The following FAT3 variants were observed in gnomAD, a reference collection of about 807,000 sequenced individuals.
FAT3 encodes the protein FAT atypical cadherin 3.
A neutral mutation model predicts 310.2 loss-of-function variants in FAT3; 95 were observed. The ratio of observed to expected loss-of-function variants is 0.31; its 90% CI spans 0.26 to 0.36. FAT3 has a LOEUF of 0.36. Among genes scored for constraint, FAT3 ranks in the 10% least tolerant of loss-of-function variants. FAT3 has a pLI of 1.00. For synonymous variants in FAT3, 2,314 were observed against 2,192.9 expected (o/e 1.06, Z -1.54); for missense variants, 5,408 against 5,715.6 (o/e 0.95, Z 1.74).
intron 12 of FAT3, among the ~76,000 whole-genome samples, chr11:92,807,506 C>T (rs1565614275): frequency 6.6e-6 from 1 of 152,178 alleles, no homozygotes; most frequent in Non-Finnish European, 1.5e-5. Flanking sequence ...TCTCTGTTTG[C>T]TTCTCTTGTT....
At chr11:92,228,337 T>A (rs960610314) in intron 1 of FAT3, among the ~76,000 whole-genome samples, 2 of 152,190 alleles carry the variant, frequency 1.3e-5, no homozygotes, top group Admixed American at 1.3e-4. Context: ...TAGGACCCAG[T>A]CTGTCTGTTA....
At chr11:92,745,630 T>C (rs970164925) in intron 4 of FAT3, among the ~76,000 whole-genome samples, 2 of 151,152 alleles carry the variant, frequency 1.3e-5, no homozygotes, top group African/African-American at 4.9e-5. Context: ...GGGAAATACT[T>C]TATTTCCTAA....
chr11:92,459,254 T>A (rs1262499382), intron 2 of FAT3, among the ~76,000 whole-genome samples: 2 of 152,118 alleles, frequency 1.3e-5, no homozygotes, highest in Non-Finnish European at 2.9e-5. Flanking sequence ...CCAGAGAGCC[T>A]TGGAATCCAT....
intron 3 of FAT3, among the ~76,000 whole-genome samples, chr11:92,636,918 T>A (rs1370927661): frequency 1.3e-5 from 2 of 152,174 alleles, no homozygotes; most frequent in Admixed American, 6.5e-5. Flanking sequence ...ACCCATGACA[T>A]CAGTGCTGGT....
At chr11:92,306,155 A>G (rs1947110485) in intron 1 of FAT3, among the ~76,000 whole-genome samples, 2 of 151,768 alleles carry the variant, frequency 1.3e-5, no homozygotes, top group African/African-American at 4.8e-5. Flanking sequence ...TGCCCTGTCT[A>G]TGTATAGCTA....
intron 5 of FAT3, among the ~76,000 whole-genome samples, chr11:92,763,334 G>GA (rs923218729): frequency 2.6e-5 from 4 of 152,020 alleles, no homozygotes; most frequent in African/African-American, 4.8e-5. Context: ...AGTGGGCAGA[G>GA]AAAAAAAATA....
Position 92,436,600 on chromosome 11 carries a change from T to G in FAT3, c.3292+81196T>G, listed in dbSNP as rs540842360. Among the ~76,000 whole-genome samples the G allele has an allele frequency of 1.2e-4, 18 of 152,284 alleles. No homozygotes were observed. The South Asian group carries it at 3.5e-3, about 30-fold the overall frequency. On this transcript the variant is annotated intron_variant, in intron 2 of 27. Transcript: ENST00000525166. The stretch of plus-strand genomic sequence containing the variant: ...CATAGCGCCAGTACCTAGCACTGTT[T>G]CTTCAGTGGTTTGGTTGGCATCAGG...
rs139844988 is a variant in FAT3 at position 92,710,701 on chromosome 11, C to T, written c.3669+13256C>T. 3.5e-4 allele frequency among the ~76,000 whole-genome samples: 53 copies of T among 152,276 alleles called. No individual in the cohort carries two copies. The South Asian group carries it at 3.7e-3, about 11-fold the overall frequency. ...GAATGAAGAATTACAAATATCTCTG[C>T]GCAAGGCCGTGACAGACCCATGATG... is the stretch of plus-strand genomic sequence containing the variant. On this transcript the variant is annotated intron_variant, in intron 4 of 27. Transcript: ENST00000525166.
chr11:92,857,358 G>A lies in FAT3; in HGVS notation c.11500+10G>A, dbSNP rs1949007705. 3.7e-6 allele frequency: 6 copies of A among 1,613,706 alleles called. No individual in the cohort carries two copies. The South Asian group carries it at 6.6e-5, about 18-fold the overall frequency. On this transcript the variant is annotated intron_variant, in intron 20 of 27. Coordinates refer to ENST00000525166, the MANE Select transcript of FAT3 (RefSeq NM_001367949.2). ...CTCGGAGAGTGCTCAGGTGCAGAGT[G>A]GAGTGGAATGATGCAGATCTAATTT...
intron 3 of FAT3, among the ~76,000 whole-genome samples, chr11:92,660,101 T>C (rs552596830): frequency 6.6e-6 from 1 of 152,262 alleles, no homozygotes; most frequent in African/African-American, 2.4e-5. Flanking sequence ...ATTCTTTTTT[T>C]TTTCTTAAGC....
chr11:92,623,401 C>G (rs1043434330), intron 3 of FAT3, among the ~76,000 whole-genome samples: 1 of 152,114 alleles, frequency 6.6e-6, no homozygotes, highest in Non-Finnish European at 1.5e-5. Flanking sequence ...TATCTATATG[C>G]TATTAAGTTA....
chr11:92,882,984 C>G lies in FAT3; in HGVS notation c.12528C>G (p.Arg4176=), dbSNP rs2136411935. 1 of 1,613,928 alleles carries G rather than the reference C, an allele frequency of 6.2e-7. No individual in the cohort carries two copies. Among genetic ancestry groups the G allele is most frequent in the African/African-American group, 1.3e-5 (1 of 75,048 alleles). The change falls in exon 24 of 28, where the codon CGC becomes CGG. Residue 4176 remains arginine (R), a synonymous_variant. Transcript: ENST00000525166. Reference sequence around the variant, plus strand: ...TGGTGGTTCTCTTCATAGTCTTCCGCAAGAAGGTCTTCCGCAAGAACTACT... The same window carrying G: ...TGGTGGTTCTCTTCATAGTCTTCCGGAAGAAGGTCTTCCGCAAGAACTACT... The part of the protein sequence containing the change: ...FILVVLFIVF[R]KKVFRKNYSR...
intron 1 of FAT3, among the ~76,000 whole-genome samples, chr11:92,226,122 G>A (rs936979959): frequency 3.9e-5 from 6 of 152,150 alleles, no homozygotes; most frequent in Admixed American, 6.5e-5. Flanking sequence ...GCTGAGGGGC[G>A]CTGGCGGGGA....
At chr11:92,611,474 C>T (rs1230664956) in intron 3 of FAT3, among the ~76,000 whole-genome samples, 1 of 152,022 alleles carries the variant, frequency 6.6e-6, no homozygotes, top group African/African-American at 2.4e-5. Flanking sequence ...GTGGTGTGAC[C>T]TTGGCCCACT....
intron 2 of FAT3, among the ~76,000 whole-genome samples, chr11:92,518,678 G>A (rs1428262396): frequency 6.6e-6 from 1 of 151,390 alleles, no homozygotes. Context: ...AAAAAAATTG[G>A]TTAGAACTAA....
chr11:92,409,954 G>C (rs775622379), intron 2 of FAT3, among the ~76,000 whole-genome samples: 2 of 151,970 alleles, frequency 1.3e-5, no homozygotes, highest in African/African-American at 4.8e-5. Context: ...TGATGTGTTG[G>C]GTTTTTTTGA....
intron 3 of FAT3, among the ~76,000 whole-genome samples, chr11:92,617,640 G>T (rs989076853): frequency 2.6e-5 from 4 of 152,122 alleles, no homozygotes; most frequent in African/African-American, 7.2e-5. Context: ...CTTTGATGAT[G>T]GTGACGTACA....
chr11:92,573,184 G>A lies in FAT3; in HGVS notation c.3607+48236G>A, dbSNP rs529094773. ...TCTCATAAGCCAACATACTAGTGGGGAAGCATCATTTAAATTACCATCTTG... is the reference window on the plus strand; with the variant it reads ...TCTCATAAGCCAACATACTAGTGGGAAAGCATCATTTAAATTACCATCTTG... On this transcript the variant is annotated intron_variant, in intron 3 of 27. Transcript: ENST00000525166. Among the ~76,000 whole-genome samples, 540 of 152,264 alleles carry A rather than the reference G, an allele frequency of 3.5e-3. 7 individuals carry two copies. Among genetic ancestry groups the A allele is most frequent in the Middle Eastern group, 0.014 (4 of 294 alleles).
chr11:92,257,256 A>G (rs1469654176), intron 1 of FAT3, among the ~76,000 whole-genome samples: 1 of 152,146 alleles, frequency 6.6e-6, no homozygotes, highest in Admixed American at 6.6e-5. Context: ...GTCTCCTTGC[A>G]AAAAACAGAG....
Sources: allele counts gnomAD v4.1 joint callset (sites outside exome capture counted in the v4.1 genomes callset), GRCh38; gene constraint gnomAD v4.1.1; transcripts MANE v1.5; gene names NCBI Gene and HGNC (gene_info 2026-07-23, HGNC 2026-07-21).